FAM13C: variants seen among roughly 807,000 people sequenced by gnomAD.
FAM13C encodes the protein family with sequence similarity 13 member C, also known as protein FAM13C.
Under a neutral mutation model 73.2 loss-of-function variants are expected in FAM13C, and 37 were observed. That is an observed-to-expected ratio of 0.51 (90% CI 0.39 to 0.67). The LOEUF (loss-of-function observed/expected upper bound fraction) is 0.67. Ranked by LOEUF, FAM13C falls within the 30% of genes least tolerant of loss-of-function variation. The probability of loss-of-function intolerance (pLI) is 0.00; values close to 1 mark genes in which losing one functional copy is unlikely to be tolerated. For missense variants in FAM13C, 589 were observed against 715.6 expected, an observed-to-expected ratio of 0.82 and a Z score of 2.02; for synonymous variants, 246 against 260.9, an observed-to-expected ratio of 0.94 and a Z score of 0.55.
chr10:59,288,297 G>A (rs1845828498), intron 5 of FAM13C, among the ~76,000 whole-genome samples: 1 of 152,174 alleles, frequency 6.6e-6, no homozygotes, highest in African/African-American at 2.4e-5. Context: ...TTCAAGACCA[G>A]CCTAGCCAAC....
intron 6 of FAM13C, among the ~76,000 whole-genome samples, chr10:59,275,698 C>T (rs1471727502): frequency 6.6e-6 from 1 of 152,136 alleles, no homozygotes; most frequent in Non-Finnish European, 1.5e-5. Context: ...GAGGCTTGGG[C>T]TTTGTCTGTG....
intron 13 of FAM13C, chr10:59,251,339 GT>G: frequency 4.2e-6 from 2 of 472,888 alleles, no homozygotes; most frequent in South Asian, 4.8e-5. Context: ...GATTTTTGGA[GT>G]TTATCCTTTA....
intron 3 of FAM13C, among the ~76,000 whole-genome samples, chr10:59,335,099 G>A (rs891864466): frequency 6.6e-6 from 1 of 152,058 alleles, no homozygotes; most frequent in East Asian, 1.9e-4. Context: ...TTTATCAAAG[G>A]CTGCTCAAAT....
rs529546420 is a variant in FAM13C at position 59,338,109 on chromosome 10, G to T, written c.325-14003C>A. Among the ~76,000 whole-genome samples the T allele has an allele frequency of 1.6e-4, 24 of 152,216 alleles. No homozygotes were observed. The East Asian group carries it at 4.1e-3, about 26-fold the overall frequency. ...TGTATTACAGTAGATATTTTAAAAG[G>T]ATTATCTCATTTAATCTTTCAAATA... On this transcript the variant is annotated intron_variant, in intron 3 of 13. Coordinates refer to ENST00000618804, the MANE Select transcript of FAM13C (RefSeq NM_198215.4).
At chr10:59,339,763 G>A (rs969468262) in intron 3 of FAM13C, among the ~76,000 whole-genome samples, 1 of 152,198 alleles carries the variant, frequency 6.6e-6, no homozygotes, top group African/African-American at 2.4e-5. Context: ...GATAGTTTGA[G>A]AAGTGAAAGG....
intron 4 of FAM13C, among the ~76,000 whole-genome samples, chr10:59,307,235 G>A (rs1025314762): frequency 6.6e-6 from 1 of 152,092 alleles, no homozygotes; most frequent in Non-Finnish European, 1.5e-5. Context: ...GCAGAGAAGG[G>A]GGGTGAGATA....
At chr10:59,340,400 T>C (rs767412337) in intron 3 of FAM13C, among the ~76,000 whole-genome samples, 1 of 152,174 alleles carries the variant, frequency 6.6e-6, no homozygotes, top group Non-Finnish European at 1.5e-5. Context: ...TACCTCTTGG[T>C]GGACTGTTTG....
chr10:59,291,816 T>A (rs1846262195), intron 5 of FAM13C, among the ~76,000 whole-genome samples: 1 of 143,962 alleles, frequency 6.9e-6, no homozygotes, highest in African/African-American at 2.7e-5. Context: ...TGAGATGGAG[T>A]CTTGCTCTGT....
At chr10:59,337,584 C>T (rs1367742522) in intron 3 of FAM13C, among the ~76,000 whole-genome samples, 1 of 151,212 alleles carries the variant, frequency 6.6e-6, no homozygotes, top group Non-Finnish European at 1.5e-5. Context: ...CTGATGGTTA[C>T]TGGTCACTTG....
At chr10:59,354,699 A>G (rs1050907427) in intron 2 of FAM13C, among the ~76,000 whole-genome samples, 1 of 151,562 alleles carries the variant, frequency 6.6e-6, no homozygotes, top group Non-Finnish European at 1.5e-5. Context: ...TTTGCAAAGG[A>G]AAAAAAAAGG....
At chr10:59,349,602 CA>C (rs80331289) in intron 3 of FAM13C, among the ~76,000 whole-genome samples, 26 of 146,400 alleles carry the variant, frequency 1.8e-4, no homozygotes, top group Admixed American at 2.7e-4. Flanking sequence ...ACTAAAAATA[CA>C]AAAAAAAAAA....
At chr10:59,325,362 T>C (rs1237483583) in intron 3 of FAM13C, among the ~76,000 whole-genome samples, 1 of 152,120 alleles carries the variant, frequency 6.6e-6, no homozygotes, top group Non-Finnish European at 1.5e-5. Flanking sequence ...AATGCCTTCA[T>C]ACAAAAGGGG....
rs1209625343 is a variant in FAM13C, at chr10:59,352,450, G to A, written c.144C>T (p.Tyr48=). The change falls in exon 3 of 14, where the codon TAC becomes TAT. Residue 48 remains tyrosine, a synonymous_variant. Transcript: ENST00000618804. ...CTTCTACCAGAGCCCCTGCGTCGGGGTAGTTCTCTTTATTGTTTTCATCTC... is the reference window on the plus strand; with the variant it reads ...CTTCTACCAGAGCCCCTGCGTCGGGATAGTTCTCTTTATTGTTTTCATCTC... The part of the protein sequence containing the change: ...SLRDENNKEN[Y]PDAGALVEEH... 4 of 1,611,818 alleles carry A rather than the reference G, an allele frequency of 2.5e-6. No individual in the cohort carries two copies. The highest frequency in any genetic ancestry group is 4.5e-5 in the East Asian group (2 of 44,866).
intron 8 of FAM13C, 93 bp from the exon 9 acceptor site, chr10:59,264,259 C>T: frequency 3.6e-6 from 3 of 823,392 alleles, no homozygotes; most frequent in African/African-American, 1.7e-5. Flanking sequence ...AATTTTTAAA[C>T]AGATGAGCTA....
intron 4 of FAM13C, among the ~76,000 whole-genome samples, chr10:59,307,061 T>C (rs764470653): frequency 2.0e-5 from 3 of 152,078 alleles, no homozygotes; most frequent in Non-Finnish European, 4.4e-5. Flanking sequence ...ATGGCAGGTT[T>C]CTTTTTTTTT....
At chr10:59,348,385 A>C (rs553339136) in intron 3 of FAM13C, among the ~76,000 whole-genome samples, 1 of 152,334 alleles carries the variant, frequency 6.6e-6, no homozygotes, top group South Asian at 2.1e-4. Flanking sequence ...TTAATGTGAC[A>C]TTTACCCTGC....
At chr10:59,251,548 T>A (rs781271534) in intron 13 of FAM13C, 27 bp downstream of exon 13, 2 of 1,596,416 alleles carry the variant, frequency 1.3e-6, no homozygotes, top group Non-Finnish European at 1.7e-6. Flanking sequence ...AAGTATTAGC[T>A]TTAAAAATCT....
At chr10:59,291,888 A>C (rs936958605) in intron 5 of FAM13C, among the ~76,000 whole-genome samples, 2 of 144,796 alleles carry the variant, frequency 1.4e-5, no homozygotes, top group East Asian at 2.0e-4. Flanking sequence ...TCCTGGGTTC[A>C]CGCCATTCTC....
chr10:59,271,207 G>A (rs1254608227), intron 6 of FAM13C, among the ~76,000 whole-genome samples: 1 of 152,184 alleles, frequency 6.6e-6, no homozygotes, highest in African/African-American at 2.4e-5. Flanking sequence ...GAAAACAAAA[G>A]ATTTTCTGGA....
Sources: allele counts gnomAD v4.1 joint callset (sites outside exome capture counted in the v4.1 genomes callset), GRCh38; gene constraint gnomAD v4.1.1; transcripts MANE v1.5; gene names NCBI Gene and HGNC (gene_info 2026-07-23, HGNC 2026-07-21).